Variants in MAPRE2 observed in about 807,000 individuals in gnomAD.
The protein encoded by MAPRE2 is microtubule-associated protein RP/EB family member 2.
In MAPRE2, 13 loss-of-function variants were observed where a neutral mutation model predicts 43.2. The ratio of observed to expected loss-of-function variants is 0.30; its 90% CI spans 0.20 to 0.48. MAPRE2 has a LOEUF of 0.48. Among genes scored for constraint, MAPRE2 ranks in the 20% least tolerant of loss-of-function variants. The probability of loss-of-function intolerance (pLI) is 0.99; values close to 1 mark genes in which losing one functional copy is unlikely to be tolerated. For missense variants in MAPRE2, 161 were observed against 400.2 expected (o/e 0.40, Z 5.10); for synonymous variants, 135 against 148.8 (o/e 0.91, Z 0.68).
intron 1 of MAPRE2, among the ~76,000 whole-genome samples, chr18:34,985,002 A>C (rs1455316864): frequency 1.3e-5 from 1 of 79,812 alleles, no homozygotes; most frequent in Non-Finnish European, 2.2e-5. Context: ...TAAAATATAT[A>C]ATATATTTTA....
intron 1 of MAPRE2, among the ~76,000 whole-genome samples, chr18:34,978,861 T>C (rs2097014604): frequency 6.6e-6 from 1 of 152,208 alleles, no homozygotes; most frequent in South Asian, 2.1e-4. Flanking sequence ...TGGGGAGCTT[T>C]GAGAACTCCT....
chr18:35,053,713 C>G (rs1234640164), intron 1 of MAPRE2, among the ~76,000 whole-genome samples: 1 of 152,056 alleles, frequency 6.6e-6, no homozygotes, highest in African/African-American at 2.4e-5. Context: ...ACCATATGTT[C>G]TCACAAGTGG....
intron 6 of MAPRE2, 28 bp downstream of exon 6, chr18:35,132,218 T>C: frequency 6.2e-7 from 1 of 1,608,190 alleles, no homozygotes; most frequent in Non-Finnish European, 8.5e-7. Context: ...GTGACTCCTG[T>C]GTTCTAAAAT....
intron 4 of MAPRE2, among the ~76,000 whole-genome samples, chr18:35,119,626 G>T (rs986578083): frequency 6.6e-6 from 1 of 152,168 alleles, no homozygotes; most frequent in Non-Finnish European, 1.5e-5. Context: ...AGATAGATAG[G>T]GAGTGCATGG....
At chr18:35,090,339 A>G (rs1777349614) in intron 2 of MAPRE2, among the ~76,000 whole-genome samples, 1 of 152,204 alleles carries the variant, frequency 6.6e-6, no homozygotes, top group African/African-American at 2.4e-5. Flanking sequence ...GAACAAGACA[A>G]GGATGTCCAT....
chr18:35,127,155 C>T (rs750042902), intron 5 of MAPRE2, 68 bp downstream of exon 5: 5 of 1,541,866 alleles, frequency 3.2e-6, no homozygotes, highest in Non-Finnish European at 4.5e-6. Context: ...GGCCTAGGAT[C>T]CCCTAGGACT....
chr18:35,123,865 A>G (rs564105824), intron 4 of MAPRE2, among the ~76,000 whole-genome samples: 1 of 152,220 alleles, frequency 6.6e-6, no homozygotes, highest in Non-Finnish European at 1.5e-5. Flanking sequence ...ACTAAAACAG[A>G]TGAAACACCT....
At position 35,013,064 on chromosome 18, in the gene MAPRE2, A is replaced by G. The variant is rs531980367; in HGVS notation, c.-8+7511A>G. ...CACATGCCCATAAAGGTTATATAAA[A>G]TAATAAACACTAAAAATGCCTATTG... On this transcript the variant is annotated intron_variant, in intron 2 of 7. Transcript: ENST00000413393. Among the ~76,000 whole-genome samples, 14 of 152,308 alleles carry G rather than the reference A, an allele frequency of 9.2e-5. No individual in the cohort carries two copies. In the East Asian group the frequency reaches 1.4e-3, roughly 15 times the overall value.
intron 1 of MAPRE2, among the ~76,000 whole-genome samples, chr18:35,057,330 AT>A (rs1906283039): frequency 6.6e-6 from 1 of 152,116 alleles, no homozygotes; most frequent in South Asian, 2.1e-4. Context: ...TCTATACCTG[AT>A]TTGGTTCAAA....
At chr18:35,039,184 G>A (rs369551723), upstream of MAPRE2, among the ~76,000 whole-genome samples, 13 of 152,360 alleles carry the variant, frequency 8.5e-5, no homozygotes, top group East Asian at 5.8e-4. Context: ...ATACTCTGAG[G>A]ACATTAAATA....
At chr18:34,982,571 T>G (rs2097016994) in intron 1 of MAPRE2, among the ~76,000 whole-genome samples, 1 of 152,248 alleles carries the variant, frequency 6.6e-6, no homozygotes, top group Admixed American at 6.5e-5. Context: ...GCTTTGGTAT[T>G]TCAAATCTCT....
At chr18:35,082,862 C>T (rs894246125) in intron 2 of MAPRE2, among the ~76,000 whole-genome samples, 5 of 151,976 alleles carry the variant, frequency 3.3e-5, no homozygotes, top group Non-Finnish European at 7.4e-5. Flanking sequence ...ATAAATATTA[C>T]TAATATTTAT....
intron 2 of MAPRE2, among the ~76,000 whole-genome samples, chr18:35,071,207 G>A (rs1301745606): frequency 1.3e-5 from 2 of 152,090 alleles, no homozygotes; most frequent in African/African-American, 4.8e-5. Context: ...GACAAAATAG[G>A]AGGATGTTTT....
upstream of MAPRE2, among the ~76,000 whole-genome samples, chr18:35,040,485 T>C (rs953058595): frequency 7.2e-5 from 11 of 152,220 alleles, no homozygotes; most frequent in Admixed American, 3.9e-4. Context: ...CCTTAAGCAG[T>C]TTACTTAATC....
intron 3 of MAPRE2, 130 bp from the exon 4 acceptor site, chr18:35,101,816 C>CTTAGTT (rs1273309853): frequency 1.5e-6 from 1 of 662,870 alleles, no homozygotes; most frequent in Admixed American, 3.1e-5. Context: ...GCTTCCAAAT[C>CTTAGTT]TTAGCTATTA....
At chr18:35,082,396 A>C (rs557628639) in intron 2 of MAPRE2, among the ~76,000 whole-genome samples, 1 of 152,198 alleles carries the variant, frequency 6.6e-6, no homozygotes, top group East Asian at 1.9e-4. Context: ...TTTGCCTACC[A>C]AATTAGTTAA....
intron 1 of MAPRE2, among the ~76,000 whole-genome samples, chr18:34,979,047 T>A (rs2097014708): frequency 6.6e-6 from 1 of 152,284 alleles, no homozygotes; most frequent in African/African-American, 2.4e-5. Flanking sequence ...CAAGACAAGA[T>A]GCCACTTTAA....
chr18:35,050,998 A>G (rs941728184), intron 1 of MAPRE2, among the ~76,000 whole-genome samples: 3 of 152,230 alleles, frequency 2.0e-5, no homozygotes, highest in Non-Finnish European at 2.9e-5. Context: ...GAAATAAAAA[A>G]GCTTGTGGAA....
At chr18:34,985,037 A>T (rs867741853) in intron 1 of MAPRE2, among the ~76,000 whole-genome samples, 82 of 48,852 alleles carry the variant, frequency 1.7e-3, no homozygotes, top group Admixed American at 2.2e-3. Flanking sequence ...TAAAATATAT[A>T]ATATATAAAA....
Sources: allele counts gnomAD v4.1 joint callset (sites outside exome capture counted in the v4.1 genomes callset), GRCh38; gene constraint gnomAD v4.1.1; transcripts MANE v1.5; gene names NCBI Gene and HGNC (gene_info 2026-07-23, HGNC 2026-07-21).